The following CRYBG2 variants were observed in gnomAD, a reference collection of about 807,000 sequenced individuals.
CRYBG2 encodes the protein beta/gamma crystallin domain-containing protein 2.
CRYBG2 carries 106 observed loss-of-function variants against 153.4 expected under a neutral mutation model. The observed-to-expected ratio is 0.69, with a 90% CI of 0.59 to 0.81. The LOEUF (loss-of-function observed/expected upper bound fraction) is 0.81, where lower values mean the gene tolerates loss of function less well. Among genes scored for constraint, CRYBG2 ranks in the 30% least tolerant of loss-of-function variants. CRYBG2 has a pLI of 0.00. For missense variants in CRYBG2, 1,996 were observed against 2,112.0 expected (o/e 0.95, Z 1.08); for synonymous variants, 851 against 877.8 (o/e 0.97, Z 0.54).
intron 14 of CRYBG2, among the ~76,000 whole-genome samples, chr1:26,332,811 T>G: frequency 6.6e-6 from 1 of 151,870 alleles, no homozygotes; most frequent in Non-Finnish European, 1.5e-5. Flanking sequence ...TGGCCAAAAT[T>G]CACACTTTTA....
chr1:26,328,633 A>T, intron 16 of CRYBG2, 101 bp downstream of exon 16: 1 of 1,481,538 alleles, frequency 6.7e-7, no homozygotes, highest in Non-Finnish European at 9.0e-7. Context: ...GTGGGGGAAA[A>T]GTGGGGAGGG....
At chr1:26,328,590 C>T (rs1002771904) in intron 16 of CRYBG2, 144 bp downstream of exon 16, 50 of 1,307,028 alleles carry the variant, frequency 3.8e-5, no homozygotes, top group Admixed American at 9.5e-5. Flanking sequence ...CTTCTCAGTC[C>T]GCACTTCTCC....
At chr1:26,333,048 A>AAAAAAAAAAAAAAAAAAT (rs2074016788) in intron 14 of CRYBG2, among the ~76,000 whole-genome samples, 1 of 128,352 alleles carries the variant, frequency 7.8e-6, no homozygotes, top group Non-Finnish European at 1.7e-5. Flanking sequence ...AAAAAAAAAG[A>AAAAAAAAAAAAAAAAAAT]TTTCTAACAG....
chr1:26,336,904 A>G lies in CRYBG2; in HGVS notation c.3848T>C (p.Leu1283Ser). ...GTGTTGCACCAGCTCCACATCCGGCAATGCCTTGCTCACCTCCACGCCGTG... is the reference window on the plus strand; with the variant it reads ...GTGTTGCACCAGCTCCACATCCGGCGATGCCTTGCTCACCTCCACGCCGTG... The part of the protein sequence containing the change: ...EGHGVEVSKA[L>S]PDVELVQHGP... The change falls in exon 11 of 20, where the codon TTG (leucine) becomes TCG (serine). Residue 1283 changes from leucine (L) to serine (S), a missense_variant. By Grantham distance (145) the Leu-to-Ser change is moderately radical (BLOSUM62 -2). Transcript: ENST00000308182. This position sits in a 1 kb window ranked among gnomAD's most constrained non-coding sequence, Gnocchi z 4.9. 6.2e-7 allele frequency: 1 copy of G among 1,612,264 alleles called. No homozygotes were observed.
Position 26,339,304 on chromosome 1 carries a change from G to C in CRYBG2, c.3330C>G (p.Thr1110=), listed in dbSNP as rs369164243. ...LEKPLQVASA[T]VSAGLWLLYP... is the part of the protein sequence containing the mutation. Reference sequence around the variant, plus strand: ...ACCAGACTCACAGTCCTGCAGAGACGGTGGCAGATGCCACCTGCAGGGGCT... The same window carrying C: ...ACCAGACTCACAGTCCTGCAGAGACCGTGGCAGATGCCACCTGCAGGGGCT... Residue 1110 remains threonine, a synonymous_variant, in exon 6 of 20, where the codon ACC becomes ACG. Coordinates refer to ENST00000308182, the MANE Select transcript of CRYBG2 (RefSeq NM_001039775.4). 1.9e-6 allele frequency: 3 copies of C among 1,613,882 alleles called. No individual in the cohort carries two copies. In the African/African-American group the frequency reaches 4.0e-5, roughly 22 times the overall value.
chr1:26,336,187 G>C lies in CRYBG2; in HGVS notation c.4092C>G (p.Pro1364=), dbSNP rs1290605219. ...AAGAGAAGTGGTCGCCCAGAAAGTC[G>C]GGGCGGGAGAAAAGCTGAATCTGGA... The part of the protein sequence containing the change: ...FVSKIQLFSR[P]DFLGDHFSFE... The change falls in exon 14 of 20, where the codon CCC becomes CCG. Residue 1364 remains proline (P), a synonymous_variant. Coordinates refer to ENST00000308182, the MANE Select transcript of CRYBG2 (RefSeq NM_001039775.4). The surrounding 1 kb of genome is among the most constrained non-coding windows in gnomAD (Gnocchi z 4.9). 6.4e-7 allele frequency: 1 copy of C among 1,551,198 alleles called. No homozygotes were observed. Among genetic ancestry groups the C allele is most frequent in the Non-Finnish European group, 8.7e-7 (1 of 1,145,406 alleles).
chr1:26,337,141 A>C lies in CRYBG2; in HGVS notation c.3771+112T>G, dbSNP rs564354501. ...GAAGAGAGGCTAGACCTCTGGGAAC[A>C]CTTACAGGGAGAACACGGAGAGGGG... On this transcript the variant is annotated intron_variant, in intron 10 of 19. Coordinates refer to ENST00000308182, the MANE Select transcript of CRYBG2 (RefSeq NM_001039775.4). 20 of 1,559,070 alleles carry C rather than the reference A, an allele frequency of 1.3e-5. No individual in the cohort carries two copies. In the South Asian group the frequency reaches 2.3e-4, roughly 18 times the overall value.
chr1:26,322,300 C>T lies in CRYBG2; in HGVS notation c.4761G>A (p.Gln1587=), dbSNP rs764283726. Residue 1587 remains glutamine, a synonymous_variant, in exon 19 of 20, where the codon CAG becomes CAA. Coordinates refer to ENST00000308182, the MANE Select transcript of CRYBG2 (RefSeq NM_001039775.4). The stretch of plus-strand genomic sequence containing the variant: ...AGCCTGGGCTAGGGGGTCCAATCAC[C>T]TGTAGGCTCATGGTGGGGGCCATCT... ...KNQMAPTMSL[Q]VIGPPSPGSK... The T allele has an allele frequency of 2.5e-6, 4 of 1,612,966 alleles. No individual in the cohort carries two copies. Among genetic ancestry groups the T allele is most frequent in the Non-Finnish European group, 3.4e-6 (4 of 1,179,596 alleles).
chr1:26,328,290 C>T lies in CRYBG2; in HGVS notation c.4497G>A (p.Trp1499Ter). Residue 1499 changes from tryptophan (W) to a stop codon, truncating the protein, a stop_gained, in exon 17 of 20, where the codon TGG (tryptophan) becomes TGA (stop). Coordinates refer to ENST00000308182, the MANE Select transcript of CRYBG2 (RefSeq NM_001039775.4). LOFTEE classifies it high-confidence loss of function. Reference sequence around the variant, plus strand: ...TGGTGATCTCGCAGCTTCCCACCAGCCACTGGCGGCCCCGGAAGTCACTGT... The same window carrying T: ...TGGTGATCTCGCAGCTTCCCACCAGTCACTGGCGGCCCCGGAAGTCACTGT... ...CEHSDFRGRQ[W>*]LVGSCEITNW... 1.3e-6 allele frequency: 2 copies of T among 1,570,880 alleles called. No homozygotes were observed. The highest frequency in any genetic ancestry group is 1.7e-6 in the Non-Finnish European group (2 of 1,157,338).
At chr1:26,338,088 G>GA in intron 7 of CRYBG2, 41 bp from the exon 8 acceptor site, 1 of 1,608,306 alleles carries the variant, frequency 6.2e-7, no homozygotes, top group Non-Finnish European at 8.5e-7. Context: ...CCAGAGATGG[G>GA]AAAGACAGAT....
Position 26,343,035 on chromosome 1 carries a change from C to T in CRYBG2, c.3074+12G>A, listed in dbSNP as rs1325489928. On this transcript the variant is annotated intron_variant, in intron 4 of 19. Coordinates refer to ENST00000308182, the MANE Select transcript of CRYBG2 (RefSeq NM_001039775.4). This position sits in a 1 kb window ranked among gnomAD's most constrained non-coding sequence, Gnocchi z 4.1. ...TCACAGCCAAGTGCCTTGCTGGGCA[C>T]TCCCCACTCACCAGCCTCGAACTAC... The T allele has an allele frequency of 9.1e-6, 14 of 1,543,598 alleles. No individual in the cohort carries two copies. Among genetic ancestry groups the T allele is most frequent in the Admixed American group, 2.0e-5 (1 of 50,742 alleles).
chr1:26,347,639 T>C (rs1383855653), intron 1 of CRYBG2, among the ~76,000 whole-genome samples: 1 of 151,796 alleles, frequency 6.6e-6, no homozygotes, highest in Non-Finnish European at 1.5e-5. Flanking sequence ...ACAGGTGCCC[T>C]CCACCACGCC....
chr1:26,352,174 T>G (rs113504230), intron 1 of CRYBG2, among the ~76,000 whole-genome samples: 5 of 152,072 alleles, frequency 3.3e-5, no homozygotes, highest in African/African-American at 1.2e-4. Flanking sequence ...GGCAAACACA[T>G]GCTGTGTCAC....
At chr1:26,328,639 G>T in intron 16 of CRYBG2, 95 bp downstream of exon 16, 2 of 1,491,590 alleles carry the variant, frequency 1.3e-6, no homozygotes, top group South Asian at 2.6e-5. Context: ...GAAAAGTGGG[G>T]AGGGGAAAGA....
In CRYBG2 at chr1:26,336,220, A is replaced by C. The variant is rs1384851075; in HGVS notation, c.4072-13T>G. 1 of 1,560,252 alleles carries C rather than the reference A, an allele frequency of 6.4e-7. No homozygotes were observed. The highest frequency in any genetic ancestry group is 2.4e-5 in the East Asian group (1 of 41,970). On this transcript the variant is annotated splice_polypyrimidine_tract_variant and intron_variant, in intron 13 of 19. Transcript: ENST00000308182. The surrounding 1 kb of genome is among the most constrained non-coding windows in gnomAD (Gnocchi z 4.9). ...AGAAAAGCTGAATCTGGAGGCAGAGAGGGGAGATGAGGGGAAGGAGGACGA... is the reference window on the plus strand; with the variant it reads ...AGAAAAGCTGAATCTGGAGGCAGAGCGGGGAGATGAGGGGAAGGAGGACGA...
chr1:26,334,173 A>G (rs769637135), intron 14 of CRYBG2, among the ~76,000 whole-genome samples: 14 of 152,224 alleles, frequency 9.2e-5, no homozygotes, highest in African/African-American at 3.4e-4. Flanking sequence ...CTGTAATCCC[A>G]ACACTTTGGG....
At chr1:26,333,046 A>T (rs1570177867) in intron 14 of CRYBG2, among the ~76,000 whole-genome samples, 1 of 136,704 alleles carries the variant, frequency 7.3e-6, no homozygotes, top group African/African-American at 2.8e-5. Context: ...AAAAAAAAAA[A>T]GATTTCTAAC....
intron 1 of CRYBG2, among the ~76,000 whole-genome samples, chr1:26,351,135 G>C (rs1230376388): frequency 6.6e-6 from 1 of 152,096 alleles, no homozygotes; most frequent in African/African-American, 2.4e-5. Context: ...GGCTTCCTGA[G>C]AGCAGTACAC....
Position 26,344,507 on chromosome 1 carries a change from G to T in CRYBG2, c.2151C>A (p.Pro717=). The change falls in exon 2 of 20, where the codon CCC becomes CCA. Residue 717 remains proline, a synonymous_variant. Transcript: ENST00000308182. The stretch of plus-strand genomic sequence containing the variant: ...CTGGGGCAGGGGTGCCTCCTGGGCT[G>T]GGGGACACCCTGTCCACTGAGGAAG... The part of the protein sequence containing the change: ...APSSSVDRVS[P]SPGGTPAPVP... 1 of 1,546,972 alleles carries T rather than the reference G, an allele frequency of 6.5e-7. No homozygotes were observed. The highest frequency in any genetic ancestry group is 8.7e-7 in the Non-Finnish European group (1 of 1,145,968).
Sources: gnomAD v4.1 joint callset for allele counts (sites outside exome capture counted in the v4.1 genomes callset) on GRCh38, gnomAD v4.1.1 for gene constraint, Gnocchi (gnomAD v3.1) non-coding constraint, MANE v1.5 for transcripts, NCBI Gene and HGNC (gene_info 2026-07-23, HGNC 2026-07-21) for gene names.